SH3RF3: variants seen among roughly 807,000 people sequenced by gnomAD.
The protein encoded by SH3RF3 is E3 ubiquitin-protein ligase SH3RF3.
In SH3RF3, 29 loss-of-function variants were observed where a neutral mutation model predicts 66.3. The observed-to-expected ratio is 0.44, with a 90% CI of 0.33 to 0.60. The LOEUF (loss-of-function observed/expected upper bound fraction) is 0.60, where lower values mean the gene tolerates loss of function less well. Ranked by LOEUF, SH3RF3 falls within the 20% of genes least tolerant of loss-of-function variation. The pLI, the probability that SH3RF3 is intolerant of heterozygous loss-of-function variation, is 0.04. For missense variants in SH3RF3, 1,194 were observed against 1,190.9 expected (o/e 1.00, Z -0.04); for synonymous variants, 583 against 532.0 (o/e 1.10, Z -1.32).
Position 109,229,919 on chromosome 2 carries a change from G to A in SH3RF3, c.573+99806G>A, listed in dbSNP as rs188347705. ...GGCTCACTGCAAGCTCTGCCTCCTGGGTTCACGCCATTCTCCTGCCTCAGC... is the reference window on the plus strand; with the variant it reads ...GGCTCACTGCAAGCTCTGCCTCCTGAGTTCACGCCATTCTCCTGCCTCAGC... On this transcript the variant is annotated intron_variant, in intron 1 of 9. Transcript: ENST00000309415. 3.6e-3 allele frequency among the ~76,000 whole-genome samples: 543 copies of A among 151,208 alleles called. 2 individuals carry two copies. Among genetic ancestry groups the A allele is most frequent in the Non-Finnish European group, 5.6e-3 (378 of 67,848 alleles).
intron 8 of SH3RF3, among the ~76,000 whole-genome samples, chr2:109,463,265 C>A (rs1021600480): frequency 6.6e-6 from 1 of 152,244 alleles, no homozygotes; most frequent in African/African-American, 2.4e-5. Flanking sequence ...CTGCCAGTTG[C>A]CAGTTGATTA....
chr2:109,343,118 G>A (rs1461500111), intron 1 of SH3RF3, among the ~76,000 whole-genome samples: 2 of 152,156 alleles, frequency 1.3e-5, no homozygotes, highest in Admixed American at 1.3e-4. Flanking sequence ...GGGTGGGTGT[G>A]GAGGCTGGGA....
chr2:109,494,618 TG>T (rs1679214064), intron 9 of SH3RF3, among the ~76,000 whole-genome samples: 1 of 152,048 alleles, frequency 6.6e-6, no homozygotes, highest in Non-Finnish European at 1.5e-5. Context: ...GTCCCTGCAG[TG>T]GGGCCAGAAC....
intron 1 of SH3RF3, among the ~76,000 whole-genome samples, chr2:109,220,960 T>C (rs1017476592): frequency 6.6e-6 from 1 of 152,256 alleles, no homozygotes; most frequent in East Asian, 1.9e-4. Context: ...GAAACAGATA[T>C]GTGTACACCA....
At chr2:109,333,407 T>C (rs973371253) in intron 1 of SH3RF3, among the ~76,000 whole-genome samples, 2 of 152,234 alleles carry the variant, frequency 1.3e-5, no homozygotes, top group South Asian at 4.1e-4. Context: ...GATTCTTGCT[T>C]TTAAAAACAC....
intron 1 of SH3RF3, among the ~76,000 whole-genome samples, chr2:109,146,687 C>T (rs1167031333): frequency 1.3e-5 from 2 of 152,112 alleles, no homozygotes; most frequent in Non-Finnish European, 2.9e-5. Context: ...AGGCTGGGAC[C>T]CTGAGGAAGG....
At chr2:109,186,966 C>T (rs1437659345) in intron 1 of SH3RF3, among the ~76,000 whole-genome samples, 1 of 152,202 alleles carries the variant, frequency 6.6e-6, no homozygotes, top group Non-Finnish European at 1.5e-5. Flanking sequence ...TGCTGCCTCC[C>T]CAACCTGTGC....
At chr2:109,172,332 C>G (rs1183888097) in intron 1 of SH3RF3, among the ~76,000 whole-genome samples, 2 of 152,216 alleles carry the variant, frequency 1.3e-5, no homozygotes, top group Non-Finnish European at 2.9e-5. Context: ...CGTGGAAATG[C>G]GCGAGCCAGC....
At chr2:109,442,640 C>A (rs1029602553) in intron 7 of SH3RF3, among the ~76,000 whole-genome samples, 1 of 152,044 alleles carries the variant, frequency 6.6e-6, no homozygotes, top group African/African-American at 2.4e-5. Flanking sequence ...TACTATGAAT[C>A]TTTATGTTAT....
intron 1 of SH3RF3, among the ~76,000 whole-genome samples, chr2:109,231,341 A>AAAATAAC (rs1156793868): frequency 6.6e-6 from 1 of 152,246 alleles, no homozygotes; most frequent in Non-Finnish European, 1.5e-5. Context: ...GTTACAATAA[A>AAAATAAC]AAATAACTCC....
intron 8 of SH3RF3, among the ~76,000 whole-genome samples, chr2:109,475,268 C>T (rs1278590649): frequency 3.9e-5 from 6 of 152,216 alleles, no homozygotes; most frequent in African/African-American, 1.2e-4. Context: ...TGAGCCACCA[C>T]GCCCGGCTTC....
chr2:109,177,858 A>G (rs1385384457), intron 1 of SH3RF3, among the ~76,000 whole-genome samples: 2 of 152,232 alleles, frequency 1.3e-5, no homozygotes, highest in Admixed American at 1.3e-4. Context: ...GTAGGTCAAG[A>G]ACAAGTAAAG....
At chr2:109,455,539 A>G (rs1194297571) in intron 8 of SH3RF3, among the ~76,000 whole-genome samples, 1 of 152,152 alleles carries the variant, frequency 6.6e-6, no homozygotes, top group Non-Finnish European at 1.5e-5. Flanking sequence ...TATGGCATAT[A>G]CACTCATGAT....
intron 1 of SH3RF3, among the ~76,000 whole-genome samples, chr2:109,161,156 C>G (rs1218944871): frequency 6.6e-6 from 1 of 152,170 alleles, no homozygotes; most frequent in Non-Finnish European, 1.5e-5. Flanking sequence ...AAAGCATGAG[C>G]AATGCCAACA....
At chr2:109,339,526 C>T (rs1056544382) in intron 1 of SH3RF3, among the ~76,000 whole-genome samples, 8 of 152,054 alleles carry the variant, frequency 5.3e-5, no homozygotes, top group African/African-American at 7.2e-5. Context: ...CCCAAAAGGC[C>T]GGTGGAAAGG....
intron 2 of SH3RF3, among the ~76,000 whole-genome samples, chr2:109,360,176 G>A (rs574492905): frequency 2.0e-4 from 31 of 152,244 alleles, no homozygotes; most frequent in Admixed American, 1.7e-3. Context: ...AGCTGATACA[G>A]GTATTCTGGA....
intron 1 of SH3RF3, among the ~76,000 whole-genome samples, chr2:109,245,452 A>G (rs1574525775): frequency 6.6e-6 from 1 of 152,176 alleles, no homozygotes; most frequent in African/African-American, 2.4e-5. Flanking sequence ...TGGCAAAATA[A>G]TTTGCACATT....
intron 1 of SH3RF3, among the ~76,000 whole-genome samples, chr2:109,207,395 A>G (rs1678865894): frequency 6.6e-6 from 1 of 152,186 alleles, no homozygotes; most frequent in Non-Finnish European, 1.5e-5. Context: ...GAGACAACAT[A>G]AGAAAAAGTG....
chr2:109,284,089 C>G (rs1680961440), intron 1 of SH3RF3, among the ~76,000 whole-genome samples: 1 of 152,170 alleles, frequency 6.6e-6, no homozygotes. Context: ...CTGGCCTTCC[C>G]AGATCCACCG....
Sources: allele counts gnomAD v4.1 joint callset (sites outside exome capture counted in the v4.1 genomes callset), GRCh38; gene constraint gnomAD v4.1.1; transcripts MANE v1.5; gene names NCBI Gene and HGNC (gene_info 2026-07-23, HGNC 2026-07-21).